TACC2: variants seen among roughly 807,000 people sequenced by gnomAD.
TACC2 encodes transforming acidic coiled-coil containing protein 2.
A neutral mutation model predicts 227.3 loss-of-function variants in TACC2; 137 were observed. That is an observed-to-expected ratio of 0.60 (90% CI 0.52 to 0.69). The LOEUF (loss-of-function observed/expected upper bound fraction) is 0.69, where lower values mean the gene tolerates loss of function less well. TACC2 is among the 30% of genes least tolerant of loss of function. TACC2 has a pLI of 0.00. For synonymous variants in TACC2, 1,523 were observed against 1,487.5 expected (o/e 1.02, Z -0.55); for missense variants, 3,470 against 3,694.4 (o/e 0.94, Z 1.57).
At chr10:122,059,818 C>G (rs1192778394) in intron 3 of TACC2, among the ~76,000 whole-genome samples, 2 of 121,924 alleles carry the variant, frequency 1.6e-5, no homozygotes, top group African/African-American at 2.8e-5. Context: ...TAGATTAGAC[C>G]TGCCATTCTC....
chr10:122,123,152 G>A (rs1289205869), intron 5 of TACC2, among the ~76,000 whole-genome samples: 7 of 152,208 alleles, frequency 4.6e-5, no homozygotes, highest in South Asian at 2.1e-4. Context: ...ACAGGTGCAC[G>A]CCAACACACC....
At chr10:122,066,285 T>TG (rs2077381759) in intron 3 of TACC2, among the ~76,000 whole-genome samples, 1 of 151,266 alleles carries the variant, frequency 6.6e-6, no homozygotes, top group Admixed American at 6.6e-5. Flanking sequence ...TTTTTTTTTT[T>TG]TTTTTGAGAC....
chr10:122,245,485 G>C (rs2096090949), intron 19 of TACC2, among the ~76,000 whole-genome samples: 1 of 152,152 alleles, frequency 6.6e-6, no homozygotes, highest in African/African-American at 2.4e-5. Flanking sequence ...ATACACATGG[G>C]CTCAGATCAG....
Position 122,083,207 on chromosome 10 carries a change from CT to C in TACC2, c.708del (p.Ala237GlnfsTer12), listed in dbSNP as rs1565239223. 1.9e-6 allele frequency: 3 copies of C among 1,613,390 alleles called. No homozygotes were observed. The highest frequency in any genetic ancestry group is 3.3e-5 in the Admixed American group (2 of 59,994). On this transcript the variant is annotated frameshift_variant, in exon 4 of 23. Coordinates refer to ENST00000369005, the MANE Select transcript of TACC2 (RefSeq NM_206862.4). LOFTEE classifies it high-confidence loss of function. ...AAAGAGGCTGCAGGTGGCTTTCCCC[CT>C]GCAGAGTCCAGGCAGGGGGTGGCTT... ...QEKEAAGGFP[P>X]AESRQGVASV...
chr10:122,124,974 C>G (rs558360119), intron 5 of TACC2, among the ~76,000 whole-genome samples: 20 of 151,952 alleles, frequency 1.3e-4, no homozygotes, highest in Middle Eastern at 3.4e-3. Flanking sequence ...TCCCAGCCCC[C>G]CAGTGTGCCT....
intron 5 of TACC2, among the ~76,000 whole-genome samples, chr10:122,115,057 G>C (rs556182561): frequency 6.6e-6 from 1 of 152,354 alleles, no homozygotes; most frequent in African/African-American, 2.4e-5. Flanking sequence ...CACTTGCCCT[G>C]GTGTTCTCTG....
chr10:122,235,578 A>G (rs1057088893), intron 16 of TACC2, among the ~76,000 whole-genome samples: 16 of 152,118 alleles, frequency 1.1e-4, no homozygotes, highest in African/African-American at 3.9e-4. Context: ...AACTTTCTCC[A>G]TAAGGACAAA....
chr10:122,186,321 C>T (rs1025632398), intron 7 of TACC2, among the ~76,000 whole-genome samples: 2 of 151,938 alleles, frequency 1.3e-5, no homozygotes, highest in East Asian at 1.9e-4. Context: ...TTTGGGAGAC[C>T]GAGGCAGGAG....
Position 122,150,269 on chromosome 10 carries a change from C to G in TACC2, c.5834+6563C>G, listed in dbSNP as rs1365782428. Among the ~76,000 whole-genome samples the G allele has an allele frequency of 6.6e-6, 1 of 152,218 alleles. No homozygotes were observed. The highest frequency in any genetic ancestry group is 1.5e-5 in the Non-Finnish European group (1 of 68,042). On this transcript the variant is annotated intron_variant, in intron 7 of 22. Transcript: ENST00000369005. This position sits in a 1 kb window ranked among gnomAD's most constrained non-coding sequence, Gnocchi z 4.0. ...GAGCAGCTGGGAAGGGGATCCCGCC[C>G]TGAAATGGGGCTCAGGGAGGAACAT...
chr10:122,174,052 T>G (rs187623724), intron 7 of TACC2, among the ~76,000 whole-genome samples: 81 of 152,264 alleles, frequency 5.3e-4, no homozygotes, highest in African/African-American at 1.8e-3. Context: ...GACTGTCCCT[T>G]TTGTCCTGGT....
At chr10:122,176,113 C>CTATATATATA (rs1159813137) in intron 7 of TACC2, among the ~76,000 whole-genome samples, 10 of 54,826 alleles carry the variant, frequency 1.8e-4, no homozygotes, top group Admixed American at 3.6e-4. Context: ...CTCTCTCTCT[C>CTATATATATA]TCTCTATATA....
chr10:122,019,293 G>A (rs1448292274), intron 1 of TACC2, among the ~76,000 whole-genome samples: 1 of 152,238 alleles, frequency 6.6e-6, no homozygotes. Flanking sequence ...ACAGGTGCCA[G>A]ACTGCCGCGT....
At chr10:122,244,413 T>C (rs57316901) in intron 19 of TACC2, among the ~76,000 whole-genome samples, 1,900 of 152,264 alleles carry the variant, frequency 0.012, 46 homozygotes, top group African/African-American at 0.043. Flanking sequence ...CAAGGCTTTT[T>C]TCATCAGGTG....
At chr10:122,192,526 C>T (rs762579872) in intron 7 of TACC2, 6 of 371,068 alleles carry the variant, frequency 1.6e-5, no homozygotes, top group South Asian at 5.8e-5. Context: ...GGGGCAGCCT[C>T]GGGGCCTCCG....
chr10:122,029,868 C>T (rs890982887), intron 2 of TACC2, among the ~76,000 whole-genome samples: 3 of 150,632 alleles, frequency 2.0e-5, no homozygotes, highest in Non-Finnish European at 4.4e-5. Context: ...CCTCAAGCTC[C>T]CTGCAGGCCC....
chr10:122,123,440 T>C (rs903605441), intron 5 of TACC2, among the ~76,000 whole-genome samples: 11 of 152,136 alleles, frequency 7.2e-5, no homozygotes, highest in Non-Finnish European at 1.5e-4. Context: ...AAAAGCACAA[T>C]GTGCTTACCC....
intron 22 of TACC2, among the ~76,000 whole-genome samples, 184 bp from the exon 23 acceptor site, chr10:122,253,807 G>C (rs371867628): frequency 2.4e-4 from 37 of 152,336 alleles, no homozygotes; most frequent in African/African-American, 7.7e-4. Flanking sequence ...TGTGTAACTT[G>C]TGGAAGATCA....
chr10:121,992,953 T>TAA (rs879342913), intron 1 of TACC2, among the ~76,000 whole-genome samples: 10 of 130,292 alleles, frequency 7.7e-5, no homozygotes, highest in Admixed American at 1.6e-4. Flanking sequence ...AGACTGTCTC[T>TAA]AAAAAAAAAA....
rs138240967 is a variant in TACC2 at position 122,149,227 on chromosome 10, C to G, written c.5834+5521C>G. The stretch of plus-strand genomic sequence containing the variant: ...GTGTGAGCCCACGCAAGCATCATCT[C>G]TGTTCAGAGTTGGCCTCTCACTCCC... On this transcript the variant is annotated intron_variant, in intron 7 of 22. Transcript: ENST00000369005. Among the ~76,000 whole-genome samples the G allele has an allele frequency of 1.2e-3, 178 of 152,378 alleles. 1 individual carries two copies. Among genetic ancestry groups the G allele is most frequent in the African/African-American group, 4.1e-3 (171 of 41,602 alleles).
Sources: allele counts gnomAD v4.1 joint callset (sites outside exome capture counted in the v4.1 genomes callset), GRCh38; gene constraint gnomAD v4.1.1; non-coding constraint Gnocchi (gnomAD v3.1); transcripts MANE v1.5; gene names NCBI Gene and HGNC (gene_info 2026-07-23, HGNC 2026-07-21).